The following OC90 variants were observed in gnomAD, a reference collection of about 807,000 sequenced individuals.
OC90 encodes otoconin-90.
A neutral mutation model predicts 47.3 loss-of-function variants in OC90; 46 were observed. That is an observed-to-expected ratio of 0.97 (90% CI 0.77 to 1.24). The LOEUF (loss-of-function observed/expected upper bound fraction) is 1.24, where lower values mean the gene tolerates loss of function less well. Among genes scored for constraint, OC90 ranks in the 50% most tolerant of loss-of-function variants. The pLI is 0.00. For missense variants in OC90, 688 were observed against 583.9 expected, an observed-to-expected ratio of 1.18 and a Z score of -1.84; for synonymous variants, 271 against 219.5, an observed-to-expected ratio of 1.23 and a Z score of -2.07.
intron 8 of OC90, among the ~76,000 whole-genome samples, chr8:132,037,754 C>T (rs868024661): frequency 1.3e-5 from 2 of 152,106 alleles, no homozygotes; most frequent in African/African-American, 4.8e-5. Context: ...CTGAAGGCAA[C>T]GAAAGAACTG....
At chr8:132,043,538 G>A (rs1341921261) in intron 4 of OC90, among the ~76,000 whole-genome samples, 1 of 152,218 alleles carries the variant, frequency 6.6e-6, no homozygotes, top group Non-Finnish European at 1.5e-5. Flanking sequence ...GGATCCTTGA[G>A]TGCTGCATGG....
rs1459020460 is a variant in OC90, at chr8:132,039,110, G to A, written c.471C>T (p.Asn157=). The change falls in exon 7 of 14, where the codon AAC becomes AAT. Residue 157 remains asparagine, a synonymous_variant. Transcript: ENST00000254627. ...SKKIICESKD[N]CEHLLCTCDK... ...CACAGGTACACAGCAGGTGCTCACA[G>A]TTGTCCTTGGACTCTGCACACAGCA... 1 of 1,608,612 alleles carries A rather than the reference G, an allele frequency of 6.2e-7. No homozygotes were observed. The highest frequency in any genetic ancestry group is 1.7e-5 in the Admixed American group (1 of 59,144).
At chr8:132,057,000 C>T (rs1823287249) in intron 1 of OC90, among the ~76,000 whole-genome samples, 1 of 152,142 alleles carries the variant, frequency 6.6e-6, no homozygotes, top group African/African-American at 2.4e-5. Flanking sequence ...GCAAGAATGT[C>T]CAGCTTCCCA....
intron 2 of OC90, among the ~76,000 whole-genome samples, chr8:132,051,925 A>G (rs919902349): frequency 1.3e-5 from 2 of 152,134 alleles, no homozygotes; most frequent in Non-Finnish European, 2.9e-5. Flanking sequence ...TAATTTTTTG[A>G]TAAAATCTTC....
chr8:132,026,317 C>T (rs1463110338), intron 13 of OC90, among the ~76,000 whole-genome samples: 1 of 152,194 alleles, frequency 6.6e-6, no homozygotes, highest in Non-Finnish European at 1.5e-5. Flanking sequence ...TCTAATCCTA[C>T]TTTGAAATGT....
At chr8:132,028,768 GAA>G (rs1355786808) in intron 13 of OC90, among the ~76,000 whole-genome samples, 1 of 121,436 alleles carries the variant, frequency 8.2e-6, no homozygotes, top group Non-Finnish European at 1.6e-5. Context: ...GAGATAGAGA[GAA>G]AGAAAGAAAG....
At chr8:132,035,281 G>C (rs1030889767) in intron 9 of OC90, among the ~76,000 whole-genome samples, 8 of 152,166 alleles carry the variant, frequency 5.3e-5, no homozygotes, top group Admixed American at 4.6e-4. Context: ...ATTGTTATTT[G>C]ACAGTTATTA....
intron 12 of OC90, 79 bp from the exon 13 acceptor site, chr8:132,029,258 C>G: frequency 1.8e-6 from 2 of 1,093,038 alleles, no homozygotes. Flanking sequence ...CTGCTTCTCC[C>G]ACATACCCTA....
At position 132,031,861 on chromosome 8, in the gene OC90, T is replaced by A. The variant is rs746161618; in HGVS notation, c.1031+20A>T. The A allele has an allele frequency of 5.0e-6, 8 of 1,610,052 alleles. No homozygotes were observed. The East Asian group carries it at 6.7e-5, about 13-fold the overall frequency. On this transcript the variant is annotated intron_variant, in intron 12 of 13. Transcript: ENST00000254627. ...CATCAGCACTACTACACCAGAGCTG[T>A]CACCGCTGGCTCTCCATACCTGTCT...
At chr8:132,038,876 T>A in intron 7 of OC90, 45 bp from the exon 8 acceptor site, 1 of 1,609,766 alleles carries the variant, frequency 6.2e-7, no homozygotes, top group Non-Finnish European at 8.5e-7. Flanking sequence ...GCAGTGGGTT[T>A]GAGGGAGGGT....
In OC90 at chr8:132,033,108, C is replaced by G. The variant is rs765389757; in HGVS notation, c.790G>C (p.Ala264Pro). 26 of 1,609,174 alleles carry G rather than the reference C, an allele frequency of 1.6e-5. No homozygotes were observed. In the East Asian group the frequency reaches 4.5e-4, roughly 28 times the overall value. ...VTAKIVTLVP[A>P]GIKSLGLAVS... Reference sequence around the variant, plus strand: ...GCCAGCCCCAGAGATTTAATGCCAGCAGGGACAAGGGTTACAATTTTAGCT... The same window carrying G: ...GCCAGCCCCAGAGATTTAATGCCAGGAGGGACAAGGGTTACAATTTTAGCT... Residue 264 changes from alanine (A) to proline (P), a missense_variant, in exon 11 of 14, where the codon GCT becomes CCT. Transcript: ENST00000254627.
chr8:132,048,714 C>T lies in OC90; in HGVS notation c.47-2831G>A, dbSNP rs548584024. Among the ~76,000 whole-genome samples the T allele has an allele frequency of 2.0e-5, 3 of 151,472 alleles. No individual in the cohort carries two copies. In the South Asian group the frequency reaches 6.2e-4, roughly 31 times the overall value. On this transcript the variant is annotated intron_variant, in intron 2 of 13. Coordinates refer to ENST00000254627, the MANE Select transcript of OC90 (RefSeq NM_001080399.3). The stretch of plus-strand genomic sequence containing the variant: ...AAAGTCTTAAGGTGACTCTTTTGTC[C>T]CCACTCCCCCCTGTTTTACAGGTAA...
chr8:132,054,920 G>C (rs1344749114), intron 2 of OC90, 61 bp downstream of exon 2: 10 of 1,224,130 alleles, frequency 8.2e-6, no homozygotes, highest in Admixed American at 2.4e-5. Context: ...TGAAGGGACA[G>C]TATTCAAATG....
chr8:132,024,333 G>T lies in OC90; in HGVS notation c.*148C>A. 1.6e-6 allele frequency: 1 copy of T among 632,212 alleles called. No individual in the cohort carries two copies. Among genetic ancestry groups the T allele is most frequent in the Non-Finnish European group, 2.6e-6 (1 of 377,514 alleles). The allele number at this position is 632,212 out of a possible 1,614,324, so 39.2% of individuals were successfully genotyped here. A position where few individuals can be genotyped will look rare whatever the true frequency, so the allele number is the denominator to read the frequency against. Reference sequence around the variant, plus strand: ...AGGTGACCACAGCTGATGAGGCATGGGCAGGGCTCACGGCCTCTGTTCCCT... The same window carrying T: ...AGGTGACCACAGCTGATGAGGCATGTGCAGGGCTCACGGCCTCTGTTCCCT... On this transcript the variant is annotated 3_prime_UTR_variant, in exon 14 of 14. Coordinates refer to ENST00000254627, the MANE Select transcript of OC90 (RefSeq NM_001080399.3).
At chr8:132,038,596 C>T (rs970001787) in intron 8 of OC90, among the ~76,000 whole-genome samples, 194 bp downstream of exon 8, 13 of 152,198 alleles carry the variant, frequency 8.5e-5, no homozygotes, top group African/African-American at 3.1e-4. Flanking sequence ...GCACTGGGGC[C>T]ATTTGATGTT....
At chr8:132,032,236 C>T (rs74788025) in intron 11 of OC90, among the ~76,000 whole-genome samples, 184 bp from the exon 12 acceptor site, 4,010 of 152,302 alleles carry the variant, frequency 0.026, 164 homozygotes, top group African/African-American at 0.091. Context: ...GCTTGGGATG[C>T]ATTGTCTTTC....
intron 13 of OC90, 145 bp downstream of exon 13, chr8:132,028,928 G>C: frequency 4.1e-6 from 2 of 489,872 alleles, no homozygotes; most frequent in Non-Finnish European, 7.2e-6. Flanking sequence ...AAGGAAGGAA[G>C]GGAAGGAAGG....
chr8:132,051,627 T>G (rs892599276), intron 2 of OC90, among the ~76,000 whole-genome samples: 2 of 152,192 alleles, frequency 1.3e-5, no homozygotes, highest in African/African-American at 2.4e-5. Flanking sequence ...TGAGATTACA[T>G]GAAATCTTAC....
At chr8:132,024,840 G>A (rs574522956) in intron 13 of OC90, 64 bp from the exon 14 acceptor site, 92 of 1,428,610 alleles carry the variant, frequency 6.4e-5, no homozygotes, top group African/African-American at 5.1e-4. Flanking sequence ...GAGGCCCCAC[G>A]GCCCTGGCCA....
Sources: allele counts gnomAD v4.1 joint callset (sites outside exome capture counted in the v4.1 genomes callset), GRCh38; gene constraint gnomAD v4.1.1; transcripts MANE v1.5; gene names NCBI Gene and HGNC (gene_info 2026-07-23, HGNC 2026-07-21).